Variants in TUSC3 observed in about 807,000 individuals in gnomAD.
TUSC3 encodes the protein tumor suppressor candidate 3.
A neutral mutation model predicts 44.8 loss-of-function variants in TUSC3; 45 were observed. The ratio of observed to expected loss-of-function variants is 1.00; its 90% CI spans 0.79 to 1.29. TUSC3 has a LOEUF of 1.29. TUSC3 is among the 50% of genes most tolerant of loss of function. TUSC3 has a pLI of 0.00. For synonymous variants in TUSC3, 212 were observed against 152.9 expected (o/e 1.39, Z -2.85); for missense variants, 519 against 437.9 (o/e 1.19, Z -1.65).
intron 6 of TUSC3, among the ~76,000 whole-genome samples, chr8:15,712,165 A>C (rs1585256454): frequency 6.6e-6 from 1 of 152,144 alleles, no homozygotes; most frequent in East Asian, 1.9e-4. Flanking sequence ...GTAATAGCTT[A>C]TTTGAAAAAT....
chr8:15,571,146 G>A (rs971190448), intron 1 of TUSC3, among the ~76,000 whole-genome samples: 1 of 151,604 alleles, frequency 6.6e-6, no homozygotes, highest in Non-Finnish European at 1.5e-5. Flanking sequence ...TAGAGATGGG[G>A]TTTCACCCTG....
chr8:15,726,192 A>G (rs1476676627), intron 6 of TUSC3, among the ~76,000 whole-genome samples: 1 of 152,200 alleles, frequency 6.6e-6, no homozygotes, highest in East Asian at 1.9e-4. Context: ...TTTATTTCAC[A>G]TACTGATATA....
chr8:15,599,627 T>A (rs985832550), intron 1 of TUSC3, among the ~76,000 whole-genome samples: 8 of 151,604 alleles, frequency 5.3e-5, no homozygotes, highest in Non-Finnish European at 1.0e-4. Flanking sequence ...CTAGATTCAT[T>A]TTTTTGCATG....
At chr8:15,678,284 G>T (rs979341355) in intron 6 of TUSC3, among the ~76,000 whole-genome samples, 14 of 152,168 alleles carry the variant, frequency 9.2e-5, no homozygotes, top group Non-Finnish European at 2.1e-4. Context: ...TCAAAGAAAT[G>T]CAGGTGCTGG....
At chr8:15,601,915 G>GT (rs1291221948) in intron 1 of TUSC3, among the ~76,000 whole-genome samples, 1 of 40,716 alleles carries the variant, frequency 2.5e-5, no homozygotes, top group Non-Finnish European at 5.8e-5. Context: ...GGTTATTTAT[G>GT]TATTTTTTTT....
the TUSC3 span, among the ~76,000 whole-genome samples, chr8:15,831,568 G>C: frequency 6.6e-6 from 1 of 151,526 alleles, no homozygotes; most frequent in Non-Finnish European, 1.5e-5. Flanking sequence ...AATGATATGG[G>C]AACAGACAGA....
intron 1 of TUSC3, chr8:15,561,629 C>G (rs1802467200): frequency 6.5e-6 from 1 of 154,416 alleles, no homozygotes; most frequent in East Asian, 1.9e-4. Context: ...AGTTTGATCT[C>G]AGACTGCAGT....
intron 1 of TUSC3, among the ~76,000 whole-genome samples, chr8:15,621,034 A>G (rs1054955294): frequency 1.5e-4 from 23 of 151,956 alleles, no homozygotes; most frequent in Non-Finnish European, 3.4e-4. Context: ...TGAGAAAAGC[A>G]TAAAATACTG....
chr8:15,626,924 C>T (rs1465943592), intron 2 of TUSC3, among the ~76,000 whole-genome samples: 1 of 152,210 alleles, frequency 6.6e-6, no homozygotes, highest in African/African-American at 2.4e-5. Flanking sequence ...AGACAGGCTC[C>T]AGGGTGGAAG....
Position 15,757,828 on chromosome 8 carries a change from A to G in TUSC3, c.*19A>G. 2 of 1,395,484 alleles carry G rather than the reference A, an allele frequency of 1.4e-6. No individual in the cohort carries two copies. Among genetic ancestry groups the G allele is most frequent in the Non-Finnish European group, 1.0e-6 (1 of 980,754 alleles). The allele number at this position is 1,395,484 out of a possible 1,614,324, so 86.4% of individuals were successfully genotyped here. On this transcript the variant is annotated 3_prime_UTR_variant, in exon 10 of 11. Transcript: ENST00000503731. ...TGAGTGAGAAGATGTGATTTGGACC[A>G]TGGCACTTAAAAACTCTATAACCTC... is the stretch of plus-strand genomic sequence containing the variant.
At chr8:15,500,506 C>T (rs1800945168) in intron 2 of TUSC3, among the ~76,000 whole-genome samples, 1 of 152,002 alleles carries the variant, frequency 6.6e-6, no homozygotes, top group Non-Finnish European at 1.5e-5. Context: ...TGTTAACACA[C>T]AAAAAAGGAA....
At chr8:15,488,506 A>G (rs927754784) in intron 2 of TUSC3, among the ~76,000 whole-genome samples, 1 of 152,066 alleles carries the variant, frequency 6.6e-6, no homozygotes, top group Non-Finnish European at 1.5e-5. Flanking sequence ...TCTCTCAAAA[A>G]TAAACTGTTT....
chr8:15,537,497 G>T (rs1015309118), upstream of TUSC3, among the ~76,000 whole-genome samples: 2 of 152,208 alleles, frequency 1.3e-5, no homozygotes, highest in African/African-American at 2.4e-5. Context: ...ATTTGGCTCA[G>T]AATAAATCTC....
At chr8:15,535,007 C>T (rs1048815612) in intron 2 of TUSC3, among the ~76,000 whole-genome samples, 1 of 152,192 alleles carries the variant, frequency 6.6e-6, no homozygotes, top group African/African-American at 2.4e-5. Flanking sequence ...GGTTACAGTT[C>T]ATCCACAAGG....
chr8:15,682,848 G>T (rs1322971819), intron 6 of TUSC3, among the ~76,000 whole-genome samples: 1 of 149,060 alleles, frequency 6.7e-6, no homozygotes, highest in Admixed American at 6.7e-5. Flanking sequence ...GGCCAGTCTT[G>T]TGGTAATGAA....
intron 1 of TUSC3, among the ~76,000 whole-genome samples, chr8:15,429,302 G>A (rs1468295413): frequency 6.6e-6 from 1 of 152,014 alleles, no homozygotes; most frequent in Non-Finnish European, 1.5e-5. Context: ...TTATTTCTGA[G>A]GGCTCTGTTC....
At chr8:15,693,360 A>G (rs11782814) in intron 6 of TUSC3, among the ~76,000 whole-genome samples, 32,248 of 150,752 alleles carry the variant, frequency 0.21, 4,303 homozygotes, top group Non-Finnish European at 0.3. Flanking sequence ...GTGGTCATGA[A>G]TTCCCTTTCA....
intron 1 of TUSC3, among the ~76,000 whole-genome samples, chr8:15,468,208 T>C (rs953272704): frequency 3.3e-5 from 5 of 152,164 alleles, no homozygotes; most frequent in African/African-American, 1.2e-4. Flanking sequence ...TTTGGTTTTT[T>C]CCTGAAGCAA....
chr8:15,585,141 G>A (rs1246215814), intron 1 of TUSC3, among the ~76,000 whole-genome samples: 1 of 152,108 alleles, frequency 6.6e-6, no homozygotes, highest in East Asian at 1.9e-4. Flanking sequence ...AGGGGATAGA[G>A]TAAAAAATTC....
Sources: gnomAD v4.1 joint callset for allele counts (sites outside exome capture counted in the v4.1 genomes callset) on GRCh38, gnomAD v4.1.1 for gene constraint, MANE v1.5 for transcripts, NCBI Gene and HGNC (gene_info 2026-07-23, HGNC 2026-07-21) for gene names.